EIF4G3: variants seen among roughly 807,000 people sequenced by gnomAD.
EIF4G3 encodes the protein eIF-4-gamma 3.
Under a neutral mutation model 186.4 loss-of-function variants are expected in EIF4G3, and 34 were observed. The observed-to-expected ratio is 0.18, with a 90% CI of 0.14 to 0.24. The LOEUF (loss-of-function observed/expected upper bound fraction) is 0.24. Among genes scored for constraint, EIF4G3 ranks in the 10% least tolerant of loss-of-function variants. The pLI is 1.00. For synonymous variants in EIF4G3, 673 were observed against 679.5 expected (o/e 0.99, Z 0.15); for missense variants, 1,536 against 1,948.5 (o/e 0.79, Z 3.99).
chr1:20,817,742 T>C (rs2061429211), intron 33 of EIF4G3, among the ~76,000 whole-genome samples: 1 of 149,806 alleles, frequency 6.7e-6, no homozygotes, highest in South Asian at 2.1e-4. Flanking sequence ...CTGGAGTAGT[T>C]TGGCTTACTG....
intron 2 of EIF4G3, among the ~76,000 whole-genome samples, chr1:21,115,261 G>A (rs1038853012): frequency 1.3e-5 from 2 of 152,116 alleles, no homozygotes; most frequent in African/African-American, 2.4e-5. Flanking sequence ...GACACTGCAG[G>A]GTTATTGGCC....
rs147690362 is a variant in EIF4G3 at position 21,092,964 on chromosome 1, G to C, written c.-271-3751C>G. ...AAAAATTAATTCAAGATGGATTAAA[G>C]ACTTAAATGTTAGATCTAAAACCAT... On this transcript the variant is annotated intron_variant, in intron 2 of 36. Coordinates refer to ENST00000602326, the MANE Select transcript of EIF4G3 (RefSeq NM_001391906.1). Among the ~76,000 whole-genome samples, 1,366 of 152,270 alleles carry C rather than the reference G, an allele frequency of 9.0e-3. 33 individuals are homozygous for C. Among genetic ancestry groups the C allele is most frequent in the East Asian group, 0.083 (430 of 5,186 alleles).
intron 17 of EIF4G3, among the ~76,000 whole-genome samples, chr1:20,894,873 A>G (rs1329835523): frequency 6.6e-6 from 1 of 152,208 alleles, no homozygotes; most frequent in East Asian, 1.9e-4. Flanking sequence ...TATTTGCACA[A>G]GATTGGAGAA....
intron 13 of EIF4G3, 115 bp downstream of exon 13, chr1:20,949,888 G>A (rs1430662701): frequency 2.4e-6 from 2 of 835,932 alleles, no homozygotes; most frequent in East Asian, 2.8e-5. Flanking sequence ...TTTGTTTAAA[G>A]GTGGGTGTCT....
intron 13 of EIF4G3, among the ~76,000 whole-genome samples, chr1:20,945,431 T>G (rs1413155437): frequency 6.6e-6 from 1 of 152,194 alleles, no homozygotes; most frequent in African/African-American, 2.4e-5. Flanking sequence ...TAAAAGAGTA[T>G]TTAATGATAT....
intron 4 of EIF4G3, chr1:21,003,786 T>C: frequency 6.8e-6 from 3 of 439,630 alleles, no homozygotes; most frequent in South Asian, 5.2e-5. Context: ...ATCAATGATT[T>C]CAAATTTGCC....
intron 14 of EIF4G3, among the ~76,000 whole-genome samples, chr1:20,923,809 CTATATA>C (rs10587649): frequency 3.1e-4 from 45 of 143,840 alleles, no homozygotes; most frequent in South Asian, 4.6e-4. Flanking sequence ...TTACCCATCC[CTATATA>C]TATATATATA....
chr1:20,844,643 C>T (rs552624768), intron 29 of EIF4G3, among the ~76,000 whole-genome samples: 1 of 152,180 alleles, frequency 6.6e-6, no homozygotes, highest in South Asian at 2.1e-4. Context: ...TCAACCTGGC[C>T]AACGTGGCGA....
At chr1:21,036,232 A>T (rs1161304064) in intron 4 of EIF4G3, among the ~76,000 whole-genome samples, 2 of 151,986 alleles carry the variant, frequency 1.3e-5, no homozygotes, top group African/African-American at 4.8e-5. Flanking sequence ...CTCTCTGCCG[A>T]GAGTCGAACA....
intron 2 of EIF4G3, among the ~76,000 whole-genome samples, chr1:21,108,759 T>C (rs1409235408): frequency 6.6e-6 from 1 of 151,794 alleles, no homozygotes; most frequent in Non-Finnish European, 1.5e-5. Context: ...AAAAATTAGC[T>C]GGGTGTGGTG....
chr1:21,103,202 C>G (rs1302266202), intron 2 of EIF4G3, among the ~76,000 whole-genome samples: 1 of 152,156 alleles, frequency 6.6e-6, no homozygotes, highest in Non-Finnish European at 1.5e-5. Context: ...CCCAGTCCAT[C>G]TGGTCAGCTG....
intron 30 of EIF4G3, among the ~76,000 whole-genome samples, chr1:20,829,612 G>C (rs1411830228): frequency 6.6e-6 from 1 of 152,098 alleles, no homozygotes; most frequent in Non-Finnish European, 1.5e-5. Flanking sequence ...GAAGTTCTAG[G>C]GGAAAAATTA....
In EIF4G3 at chr1:21,176,232, G is replaced by GCCA; in HGVS notation, c.-330_-329insTGG. The GCCA allele has an allele frequency of 2.0e-5, 2 of 100,004 alleles. No individual in the cohort carries two copies. The highest frequency in any genetic ancestry group is 8.0e-5 in the East Asian group (1 of 12,530). The allele number at this position is 100,004 out of a possible 1,614,324, so 6.2% of individuals were successfully genotyped here. A position where few individuals can be genotyped will look rare whatever the true frequency, so the allele number is the denominator to read the frequency against. On this transcript the variant is annotated 5_prime_UTR_variant, in exon 2 of 37. Transcript: ENST00000602326. ...GTTCGGGTGAGGAGGGGGGACCGCT[G>GCCA]CCGCCGCCGCCGCCGCCGCCGCCGC...
At chr1:21,045,278 G>A (rs1198020800) in intron 4 of EIF4G3, among the ~76,000 whole-genome samples, 1 of 152,154 alleles carries the variant, frequency 6.6e-6, no homozygotes, top group Non-Finnish European at 1.5e-5. Context: ...TTCATCATTT[G>A]AAACTCATCC....
At chr1:20,973,195 A>C (rs1030935309) in intron 10 of EIF4G3, 96 bp from the exon 11 acceptor site, 4 of 891,016 alleles carry the variant, frequency 4.5e-6, no homozygotes, top group Non-Finnish European at 6.9e-6. Context: ...TCCCCTTAAA[A>C]GGGTAAAAAC....
chr1:21,023,575 G>A (rs1398429973), intron 4 of EIF4G3, among the ~76,000 whole-genome samples: 2 of 152,090 alleles, frequency 1.3e-5, no homozygotes, highest in African/African-American at 4.8e-5. Context: ...TGGTGCCCAG[G>A]CTGGAGTGCA....
At chr1:21,087,987 T>C (rs533550356) in intron 3 of EIF4G3, among the ~76,000 whole-genome samples, 1 of 152,224 alleles carries the variant, frequency 6.6e-6, no homozygotes, top group South Asian at 2.1e-4. Flanking sequence ...TCCCAGTTAC[T>C]TGGGAGGCTG....
At chr1:21,141,537 T>C (rs879677732) in intron 2 of EIF4G3, among the ~76,000 whole-genome samples, 3 of 150,272 alleles carry the variant, frequency 2.0e-5, no homozygotes, top group Non-Finnish European at 4.4e-5. Flanking sequence ...CTACAGTATG[T>C]TTTCTATTTT....
intron 14 of EIF4G3, among the ~76,000 whole-genome samples, chr1:20,938,944 TA>T (rs1392575362): frequency 1.3e-5 from 2 of 151,740 alleles, no homozygotes; most frequent in Non-Finnish European, 2.9e-5. Flanking sequence ...CCGTCTCTAC[TA>T]AAAATACAAA....
Sources: allele counts gnomAD v4.1 joint callset (sites outside exome capture counted in the v4.1 genomes callset), GRCh38; gene constraint gnomAD v4.1.1; transcripts MANE v1.5; gene names NCBI Gene and HGNC (gene_info 2026-07-23, HGNC 2026-07-21).